The following THYN1 variants were observed in gnomAD, a reference collection of about 807,000 sequenced individuals.
THYN1 encodes thymocyte protein thy28.
Under a neutral mutation model 30.6 loss-of-function variants are expected in THYN1, and 32 were observed. The observed-to-expected ratio is 1.05, with a 90% CI of 0.79 to 1.40. THYN1 has a LOEUF of 1.40. Ranked by LOEUF, THYN1 falls within the 40% of genes most tolerant of loss-of-function variation. The probability of loss-of-function intolerance (pLI) is 0.00; values close to 1 mark genes in which losing one functional copy is unlikely to be tolerated. For synonymous variants in THYN1, 107 were observed against 90.8 expected, an observed-to-expected ratio of 1.18 and a Z score of -1.01; for missense variants, 259 against 272.6, an observed-to-expected ratio of 0.95 and a Z score of 0.35.
intron 1 of THYN1, among the ~76,000 whole-genome samples, chr11:134,252,487 C>A (rs761231656): frequency 1.1e-4 from 16 of 152,180 alleles, no homozygotes; most frequent in Non-Finnish European, 1.8e-4. Context: ...ACATCCTTCT[C>A]GAGGCCTTCC....
At chr11:134,248,692 G>A (rs1287867837) in intron 6 of THYN1, 117 bp downstream of exon 6, 1 of 1,459,546 alleles carries the variant, frequency 6.9e-7, no homozygotes, top group Non-Finnish European at 9.4e-7. Flanking sequence ...GGGTGTTACA[G>A]GTGAGGATGC....
In THYN1 at chr11:134,251,157, GCT is replaced by G. The variant is rs1394761850; in HGVS notation, c.193_194del (p.Ser65ProfsTer13). 3 of 1,613,520 alleles carry G rather than the reference GCT, an allele frequency of 1.9e-6. No individual in the cohort carries two copies. In the African/African-American group the frequency reaches 4.0e-5, roughly 22 times the overall value. ...SHWLMKSEPE[S>X]RLEKGVDVKF... is the part of the protein sequence containing the mutation. ...TCACATCTACACCTTTCTCTAGGCG[GCT>G]CTCTGGCTCTGACTTCATCAGCCAG... On this transcript the variant is annotated frameshift_variant, in exon 2 of 7. Coordinates refer to ENST00000341541, the MANE Select transcript of THYN1 (RefSeq NM_014174.3). LOFTEE classifies it high-confidence loss of function.
In THYN1 at chr11:134,249,213, G is replaced by A. The variant is rs1204329347; in HGVS notation, c.434C>T (p.Pro145Leu). The change falls in exon 5 of 7, where the codon CCC becomes CTC. Residue 145 changes from proline (P) to leucine (L), a missense_variant. Transcript: ENST00000341541. ...PDHTQFEKNN[P>L]HYDPSSKEDN... ...CTCTTTGCTAGATGGGTCATAATGGGGATTGTTTTTCTCAAACTGTGTGTG... is the reference window on the plus strand; with the variant it reads ...CTCTTTGCTAGATGGGTCATAATGGAGATTGTTTTTCTCAAACTGTGTGTG... 6.2e-7 allele frequency: 1 copy of A among 1,614,118 alleles called. No individual in the cohort carries two copies. Among genetic ancestry groups the A allele is most frequent in the East Asian group, 2.2e-5 (1 of 44,874 alleles).
At chr11:134,248,768 A>AT (rs1462634060) in intron 6 of THYN1, 41 bp downstream of exon 6, 1 of 1,608,110 alleles carries the variant, frequency 6.2e-7, no homozygotes, top group South Asian at 1.1e-5. Context: ...TCATGAGGTC[A>AT]TTCTGGTATA....
rs2136058173 is a variant in THYN1 at position 134,248,915 on chromosome 11, C to T, written c.525G>A (p.Leu175=). The part of the protein sequence containing the change: ...FVRMMKRFIP[L]AELKSYHQAH... ...CTTGATGATAGGATTTGAGCTCAGC[C>T]AGGGGAATGAAACGTTTCATCATCC... is the stretch of plus-strand genomic sequence containing the variant. Residue 175 remains leucine, a synonymous_variant, in exon 6 of 7, where the codon CTG becomes CTA. Coordinates refer to ENST00000341541, the MANE Select transcript of THYN1 (RefSeq NM_014174.3). 1 of 1,614,192 alleles carries T rather than the reference C, an allele frequency of 6.2e-7. No individual in the cohort carries two copies. Among genetic ancestry groups the T allele is most frequent in the East Asian group, 2.2e-5 (1 of 44,888 alleles).
In THYN1 at chr11:134,248,606, C is replaced by T; in HGVS notation, c.632-122G>A. 3 of 1,412,794 alleles carry T rather than the reference C, an allele frequency of 2.1e-6. No homozygotes were observed. In the South Asian group the frequency reaches 3.7e-5, roughly 17 times the overall value. The allele number at this position is 1,412,794 out of a possible 1,614,324, so 87.5% of individuals were successfully genotyped here. On this transcript the variant is annotated intron_variant, in intron 6 of 6. Transcript: ENST00000341541. ...AAGGCGAGCAGTCATTCGTTCAAAA[C>T]TATTTACCAGGTGCCAAGCACTATA...
At position 134,248,813 on chromosome 11, in the gene THYN1, G is replaced by C. The variant is rs1482530690; in HGVS notation, c.627C>G (p.Thr209=). The C allele has an allele frequency of 7.4e-6, 12 of 1,613,980 alleles. No individual in the cohort carries two copies. In the South Asian group the frequency reaches 1.3e-4, roughly 18 times the overall value. Reference sequence around the variant, plus strand: ...AAGGAGAGGGCCCACTCTTACCCTGGGTCAGGGGCTGGATTGATAATCTCT... The same window carrying C: ...AAGGAGAGGGCCCACTCTTACCCTGCGTCAGGGGCTGGATTGATAATCTCT... ...TRQRLSIQPL[T]QEEFDFVLSL... The change falls in exon 6 of 7, where the codon ACC becomes ACG. Residue 209 remains threonine, a synonymous_variant. Coordinates refer to ENST00000341541, the MANE Select transcript of THYN1 (RefSeq NM_014174.3).
At chr11:134,248,686 G>C in intron 6 of THYN1, 123 bp downstream of exon 6, 3 of 1,426,870 alleles carry the variant, frequency 2.1e-6, no homozygotes, top group Non-Finnish European at 2.9e-6. Context: ...CCTCATGGGT[G>C]TTACAGGTGA....
At chr11:134,251,448 A>AT (rs1939045290) in intron 1 of THYN1, 140 bp from the exon 2 acceptor site, 2 of 948,318 alleles carry the variant, frequency 2.1e-6, no homozygotes, top group East Asian at 4.9e-5. Context: ...CTTACTGTTA[A>AT]GAAGCTTTCC....
intron 3 of THYN1, 50 bp from the exon 4 acceptor site, chr11:134,249,970 C>G: frequency 6.4e-7 from 1 of 1,564,720 alleles, no homozygotes; most frequent in South Asian, 1.1e-5. Flanking sequence ...CTGGAAAGTA[C>G]TAGCTTTTAG....
chr11:134,253,129 C>G lies in THYN1; in HGVS notation c.-247G>C. On this transcript the variant is annotated 5_prime_UTR_variant, in exon 1 of 7. Coordinates refer to ENST00000341541, the MANE Select transcript of THYN1 (RefSeq NM_014174.3). ...ACTCTTCTCGGTTCTGTCCTTGGTC[C>G]TTCTCATCCAGGAACCCCTATCTCA... is the stretch of plus-strand genomic sequence containing the variant. 1 of 1,356,352 alleles carries G rather than the reference C, an allele frequency of 7.4e-7. No homozygotes were observed. Among genetic ancestry groups the G allele is most frequent in the Non-Finnish European group, 9.4e-7 (1 of 1,059,570 alleles). 84.0% of individuals were successfully genotyped at this position (1,356,352 alleles called of 1,614,324 possible).
In THYN1 at chr11:134,248,456, C is replaced by T. The variant is rs757269932; in HGVS notation, c.660G>A (p.Glu220=). ...QEEFDFVLSL[E]EKEPS ...ATCTCAGTTAACTTGGTTCCTTTTC[C>T]TCCAGGCTCAAAACAAAATCAAACT... Residue 220 remains glutamate (E), a synonymous_variant, in exon 7 of 7, where the codon GAG becomes GAA. Transcript: ENST00000341541. 3 of 1,613,914 alleles carry T rather than the reference C, an allele frequency of 1.9e-6. No homozygotes were observed. The highest frequency in any genetic ancestry group is 2.5e-6 in the Non-Finnish European group (3 of 1,179,996).
In THYN1 at chr11:134,248,447, T is replaced by C; in HGVS notation, c.669A>G (p.Glu223=). The change falls in exon 7 of 7, where the codon GAA becomes GAG. Residue 223 remains glutamate (E), a synonymous_variant. Coordinates refer to ENST00000341541, the MANE Select transcript of THYN1 (RefSeq NM_014174.3). ...FDFVLSLEEK[E]PS ...AGCAGCAGTATCTCAGTTAACTTGGTTCCTTTTCCTCCAGGCTCAAAACAA... is the reference window on the plus strand; with the variant it reads ...AGCAGCAGTATCTCAGTTAACTTGGCTCCTTTTCCTCCAGGCTCAAAACAA... 2 of 1,614,076 alleles carry C rather than the reference T, an allele frequency of 1.2e-6. No homozygotes were observed. Among genetic ancestry groups the C allele is most frequent in the Non-Finnish European group, 1.7e-6 (2 of 1,179,998 alleles).
chr11:134,249,486 C>T (rs1267003991), intron 4 of THYN1, among the ~76,000 whole-genome samples: 1 of 152,176 alleles, frequency 6.6e-6, no homozygotes, highest in East Asian at 1.9e-4. Context: ...GCTCTAAAAA[C>T]AAATGGCAAA....
rs1026429664 is a variant in THYN1 at position 134,253,113 on chromosome 11, G to A, written c.-231C>T. The A allele has an allele frequency of 1.5e-6, 2 of 1,368,984 alleles. No individual in the cohort carries two copies. Among genetic ancestry groups the A allele is most frequent in the Middle Eastern group, 2.7e-4 (1 of 3,738 alleles). The allele number at this position is 1,368,984 out of a possible 1,614,324, so 84.8% of individuals were successfully genotyped here. The stretch of plus-strand genomic sequence containing the variant: ...CATAACCTGCCCCTAAACTCTTCTC[G>A]GTTCTGTCCTTGGTCCTTCTCATCC... On this transcript the variant is annotated 5_prime_UTR_variant, in exon 1 of 7. Coordinates refer to ENST00000341541, the MANE Select transcript of THYN1 (RefSeq NM_014174.3).
chr11:134,249,006 T>G (rs2136058394), intron 5 of THYN1, 47 bp from the exon 6 acceptor site: 5 of 1,608,136 alleles, frequency 3.1e-6, no homozygotes. Flanking sequence ...CTAGGCTGAC[T>G]GTGCCCACTG....
chr11:134,252,989 G>A lies in THYN1; in HGVS notation c.-107C>T. ...CCGCGCAGAGCGAGATGGAGGCAACGAGAGGCAGCCTAGAACGTCTCCAAC... is the reference window on the plus strand; with the variant it reads ...CCGCGCAGAGCGAGATGGAGGCAACAAGAGGCAGCCTAGAACGTCTCCAAC... On this transcript the variant is annotated 5_prime_UTR_variant, in exon 1 of 7. Transcript: ENST00000341541. The A allele has an allele frequency of 7.4e-6, 11 of 1,483,616 alleles. No homozygotes were observed. The South Asian group carries it at 1.5e-4, about 20-fold the overall frequency. 91.9% of individuals were successfully genotyped at this position (1,483,616 alleles called of 1,614,324 possible). A position where few individuals can be genotyped will look rare whatever the true frequency, so the allele number is the denominator to read the frequency against.
intron 6 of THYN1, 85 bp from the exon 7 acceptor site, chr11:134,248,569 T>C: frequency 6.5e-7 from 1 of 1,533,198 alleles, no homozygotes; most frequent in Non-Finnish European, 9.0e-7. Flanking sequence ...CAGGTACATC[T>C]TACATGGTAC....
chr11:134,248,353 A>G lies in THYN1; in HGVS notation c.*85T>C, dbSNP rs752275569. ...GTACACAAGCCCAGGTAAGCATACC[A>G]AGCAAGCCCCCTCACACCTTTTGTC... On this transcript the variant is annotated 3_prime_UTR_variant, in exon 7 of 7. Transcript: ENST00000341541. The G allele has an allele frequency of 2.0e-6, 3 of 1,504,774 alleles. No individual in the cohort carries two copies. Among genetic ancestry groups the G allele is most frequent in the Non-Finnish European group, 2.8e-6 (3 of 1,080,510 alleles). The allele number at this position is 1,504,774 out of a possible 1,614,324, so 93.2% of individuals were successfully genotyped here. A position where few individuals can be genotyped will look rare whatever the true frequency, so the allele number is the denominator to read the frequency against.
Sources: allele counts gnomAD v4.1 joint callset (sites outside exome capture counted in the v4.1 genomes callset), GRCh38; gene constraint gnomAD v4.1.1; transcripts MANE v1.5; gene names NCBI Gene and HGNC (gene_info 2026-07-23, HGNC 2026-07-21).